The following KMT2C variants were observed in gnomAD, a reference collection of about 807,000 sequenced individuals.
KMT2C encodes the protein lysine methyltransferase 2C.
A neutral mutation model predicts 507.9 loss-of-function variants in KMT2C; 88 were observed. That is an observed-to-expected ratio of 0.17 (90% CI 0.15 to 0.21). The LOEUF (loss-of-function observed/expected upper bound fraction) is 0.21. Ranked by LOEUF, KMT2C falls within the 10% of genes least tolerant of loss-of-function variation. The pLI is 1.00. For missense variants in KMT2C, 4,954 were observed against 5,957.8 expected, an observed-to-expected ratio of 0.83 and a Z score of 5.55; for synonymous variants, 2,049 against 2,080.8, an observed-to-expected ratio of 0.98 and a Z score of 0.42.
At chr7:152,319,828 C>CTCCCTT (rs555404292) in intron 3 of KMT2C, among the ~76,000 whole-genome samples, 2 of 152,158 alleles carry the variant, frequency 1.3e-5, no homozygotes, top group Non-Finnish European at 2.9e-5. Context: ...CCCTCTCCCT[C>CTCCCTT]TCCCTTTCCC....
At chr7:152,318,009 G>A (rs1178959392) in intron 3 of KMT2C, among the ~76,000 whole-genome samples, 1 of 151,798 alleles carries the variant, frequency 6.6e-6, no homozygotes, top group African/African-American at 2.4e-5. Context: ...ATGGTGGCAG[G>A]CGCCCGTAAT....
chr7:152,205,073 A>G (rs1372781424), intron 25 of KMT2C, 33 bp downstream of exon 25: 1 of 1,490,286 alleles, frequency 6.7e-7, no homozygotes. Flanking sequence ...GGTTACATTA[A>G]AAAAAAAATT....
intron 9 of KMT2C, among the ~76,000 whole-genome samples, chr7:152,262,585 T>C (rs928686202): frequency 6.6e-6 from 1 of 152,198 alleles, no homozygotes; most frequent in African/African-American, 2.4e-5. Flanking sequence ...AATACACAAA[T>C]TGTGGTATCT....
chr7:152,152,023 G>A (rs1032218364), intron 49 of KMT2C, among the ~76,000 whole-genome samples: 1 of 152,190 alleles, frequency 6.6e-6, no homozygotes, highest in African/African-American at 2.4e-5. Context: ...CAAGGCCAAG[G>A]ATAAGAAGGT....
At chr7:152,298,812 T>C (rs1011065130) in intron 6 of KMT2C, among the ~76,000 whole-genome samples, 2 of 152,174 alleles carry the variant, frequency 1.3e-5, no homozygotes, top group African/African-American at 4.8e-5. Flanking sequence ...ACAGAGTTTA[T>C]AACATATATA....
intron 3 of KMT2C, among the ~76,000 whole-genome samples, chr7:152,316,272 A>C (rs1197081319): frequency 6.6e-6 from 1 of 152,192 alleles, no homozygotes; most frequent in Non-Finnish European, 1.5e-5. Context: ...GACTGTAGTT[A>C]AAAATAATGT....
rs796629611 is a variant in KMT2C at position 152,360,400 on chromosome 7, C to A, written c.162-1725G>T. Among the ~76,000 whole-genome samples the A allele has an allele frequency of 2.5e-3, 373 of 151,944 alleles. 4 individuals carry two copies. The highest frequency in any genetic ancestry group is 8.4e-3 in the African/African-American group (348 of 41,430). On this transcript the variant is annotated intron_variant, in intron 1 of 58. Transcript: ENST00000262189. ...GGCTGAGGCAGGAGAATCGCTTGAACCCAGTGGGCAGGAGGTGCAGTGAGC... is the reference window on the plus strand; with the variant it reads ...GGCTGAGGCAGGAGAATCGCTTGAAACCAGTGGGCAGGAGGTGCAGTGAGC...
At chr7:152,263,905 C>T (rs1353598020) in intron 8 of KMT2C, among the ~76,000 whole-genome samples, 1 of 152,016 alleles carries the variant, frequency 6.6e-6, no homozygotes, top group Non-Finnish European at 1.5e-5. Flanking sequence ...AAAGAAACAA[C>T]AGGGAAAGCA....
intron 6 of KMT2C, among the ~76,000 whole-genome samples, chr7:152,295,923 C>G (rs2129188955): frequency 6.6e-6 from 1 of 151,846 alleles, no homozygotes; most frequent in South Asian, 2.1e-4. Context: ...AAAAAATTAG[C>G]CGGGCATGGT....
At chr7:152,301,041 AG>A (rs1182091807) in intron 6 of KMT2C, among the ~76,000 whole-genome samples, 1 of 149,386 alleles carries the variant, frequency 6.7e-6, no homozygotes, top group East Asian at 2.0e-4. Context: ...CTGGTGACAG[AG>A]GGAAACTTCA....
intron 2 of KMT2C, among the ~76,000 whole-genome samples, chr7:152,337,303 A>G (rs1427633301): frequency 1.3e-5 from 2 of 152,162 alleles, no homozygotes; most frequent in African/African-American, 4.8e-5. Context: ...ACCTAATCAC[A>G]TGTAAGTAGA....
rs749007299 is a variant in KMT2C at position 152,248,383 on chromosome 7, G to A, written c.2051C>T (p.Pro684Leu). The change falls in exon 14 of 59, where the codon CCT (proline) becomes CTT (leucine). Residue 684 changes from proline to leucine, a missense_variant. By Grantham distance (98) the Pro-to-Leu change is moderately conservative. This residue lies in a region of KMT2C where 376 missense variants were observed against 352.4 expected (regional missense o/e 1.07). Transcript: ENST00000262189. ...GACAGATTCCATGACTAATTTTGGAGGCCTTGATTCTTCTCTGGATACCAC... is the reference window on the plus strand; with the variant it reads ...GACAGATTCCATGACTAATTTTGGAAGCCTTGATTCTTCTCTGGATACCAC... ...ETVVSREESR[P>L]PKLVMESVTL... The A allele has an allele frequency of 6.2e-7, 1 of 1,614,038 alleles. No individual in the cohort carries two copies. Among genetic ancestry groups the A allele is most frequent in the South Asian group, 1.1e-5 (1 of 91,070 alleles).
intron 26 of KMT2C, 142 bp from the exon 27 acceptor site, chr7:152,199,601 T>C: frequency 4.6e-6 from 2 of 433,804 alleles, no homozygotes; most frequent in Non-Finnish European, 8.0e-6. Context: ...ACAGAAGTAT[T>C]AAAAAATAGA....
chr7:152,434,240 T>C (rs2097893968), intron 1 of KMT2C, among the ~76,000 whole-genome samples: 2 of 152,190 alleles, frequency 1.3e-5, no homozygotes, highest in African/African-American at 2.4e-5. Flanking sequence ...ACGAACAAGC[T>C]AATGTAATAA....
At chr7:152,183,573 C>A (rs1436610170) in intron 34 of KMT2C, among the ~76,000 whole-genome samples, 3 of 151,790 alleles carry the variant, frequency 2.0e-5, no homozygotes, top group African/African-American at 4.8e-5. Context: ...ATCAGCCTGA[C>A]CAACATGGTG....
chr7:152,263,420 T>C (rs1391072258), intron 8 of KMT2C, among the ~76,000 whole-genome samples: 1 of 152,160 alleles, frequency 6.6e-6, no homozygotes, highest in Non-Finnish European at 1.5e-5. Context: ...ACTTTTAAAA[T>C]AGAATTTTTG....
intron 1 of KMT2C, among the ~76,000 whole-genome samples, chr7:152,371,031 G>A (rs1395274660): frequency 1.3e-5 from 2 of 152,050 alleles, no homozygotes; most frequent in Non-Finnish European, 2.9e-5. Context: ...TGAAACAAAA[G>A]AACTCTAAAA....
intron 9 of KMT2C, among the ~76,000 whole-genome samples, chr7:152,253,880 T>G (rs931586223): frequency 2.0e-4 from 31 of 152,222 alleles, no homozygotes; most frequent in African/African-American, 7.0e-4. Flanking sequence ...AAACTACTTC[T>G]GTGCCTGTGA....
Position 152,162,435 on chromosome 7 carries a change from T to A in KMT2C, c.11142A>T (p.Lys3714Asn), listed in dbSNP as rs770183286. Residue 3714 changes from lysine to asparagine, a missense_variant, in exon 43 of 59, where the codon AAA (lysine) becomes AAT (asparagine). Lys to Asn is a moderately conservative substitution (Grantham distance 94). Coordinates refer to ENST00000262189, the MANE Select transcript of KMT2C (RefSeq NM_170606.3). Reference protein sequence around the residue: ...VDKLSMETPAKTEEIKLEKAE... With the variant: ...VDKLSMETPANTEEIKLEKAE... ...CCTTTTCCAGTTTTATCTCTTCTGT[T>A]TTGGCAGGGGTTTCCATGGAGAGCT... 1 of 1,614,280 alleles carries A rather than the reference T, an allele frequency of 6.2e-7. No homozygotes were observed. Among genetic ancestry groups the A allele is most frequent in the South Asian group, 1.1e-5 (1 of 91,086 alleles).
Sources: allele counts gnomAD v4.1 joint callset (sites outside exome capture counted in the v4.1 genomes callset), GRCh38; gene constraint gnomAD v4.1.1; regional missense constraint gnomAD v4.1.1; transcripts MANE v1.5; gene names NCBI Gene and HGNC (gene_info 2026-07-23, HGNC 2026-07-21).